TGFBR3: variants seen among roughly 807,000 people sequenced by gnomAD.
TGFBR3 encodes the protein transforming growth factor beta receptor 3, also known as transforming growth factor beta receptor type 3.
Under a neutral mutation model 87.9 loss-of-function variants are expected in TGFBR3, and 46 were observed. The ratio of observed to expected loss-of-function variants is 0.52; its 90% confidence interval spans 0.41 to 0.67. The LOEUF is 0.67. Among genes scored for constraint, TGFBR3 ranks in the 30% least tolerant of loss-of-function variants. The pLI is 0.00. For synonymous variants in TGFBR3, 381 were observed against 391.6 expected, an observed-to-expected ratio of 0.97 and a Z score of 0.32; for missense variants, 866 against 1,041.9, an observed-to-expected ratio of 0.83 and a Z score of 2.32.
At chr1:91,904,610 G>A (rs1434614703) in intron 1 of TGFBR3, among the ~76,000 whole-genome samples, 1 of 147,814 alleles carries the variant, frequency 6.8e-6, no homozygotes, top group East Asian at 2.0e-4. Context: ...TGTCACCCAG[G>A]CTAGAGTGCA....
intron 3 of TGFBR3, among the ~76,000 whole-genome samples, chr1:91,759,667 C>T (rs532995848): frequency 1.1e-4 from 17 of 152,234 alleles, no homozygotes; most frequent in Admixed American, 4.6e-4. Flanking sequence ...CCATACAGAG[C>T]GGGGAGGCAA....
chr1:91,902,277 G>T (rs1269901188), intron 1 of TGFBR3, among the ~76,000 whole-genome samples: 2,880 of 126,530 alleles, frequency 0.023, 94 homozygotes, highest in African/African-American at 0.072. Context: ...TCTTTTGTGT[G>T]TGTGTGTGTG....
intron 16 of TGFBR3, among the ~76,000 whole-genome samples, chr1:91,688,486 T>C (rs1199809709): frequency 6.6e-6 from 1 of 152,218 alleles, no homozygotes; most frequent in Non-Finnish European, 1.5e-5. Context: ...TTCCCTTTAG[T>C]CAACACAGAG....
At chr1:91,749,813 G>T (rs1216466341) in intron 4 of TGFBR3, among the ~76,000 whole-genome samples, 1 of 152,148 alleles carries the variant, frequency 6.6e-6, no homozygotes, top group Non-Finnish European at 1.5e-5. Flanking sequence ...CTATTACATG[G>T]AAATAAAATA....
intron 3 of TGFBR3, among the ~76,000 whole-genome samples, chr1:91,791,785 GCAAAAACAGTGACCAC>G (rs1398444519): frequency 6.6e-6 from 1 of 152,140 alleles, no homozygotes; most frequent in Non-Finnish European, 1.5e-5. Flanking sequence ...ATCCTCTTCT[GCAAAAACAGTGACCAC>G]CAAGCCTCCC....
At chr1:91,886,795 C>T (rs1331963758), upstream of TGFBR3, among the ~76,000 whole-genome samples, 2 of 152,034 alleles carry the variant, frequency 1.3e-5, no homozygotes, top group Admixed American at 1.3e-4. Context: ...CCAGCCGTTC[C>T]CCCTGCTAGC....
chr1:91,696,475 A>C (rs2100718251), intron 15 of TGFBR3, among the ~76,000 whole-genome samples: 1 of 152,282 alleles, frequency 6.6e-6, no homozygotes, highest in East Asian at 1.9e-4. Flanking sequence ...CCCAGTGGGG[A>C]GTGATGTCAG....
At chr1:91,880,515 G>A (rs759085130) in intron 1 of TGFBR3, among the ~76,000 whole-genome samples, 54 of 152,102 alleles carry the variant, frequency 3.6e-4, no homozygotes, top group Admixed American at 1.0e-3. Context: ...AGAGAATGGC[G>A]TGAACCAGGG....
At position 91,680,357 on chromosome 1, in the gene TGFBR3, A is replaced by G. The variant is rs532466392; in HGVS notation, c.*3382T>C. 3.4e-5 allele frequency: 15 copies of G among 436,258 alleles called. No individual in the cohort carries two copies. Among genetic ancestry groups the G allele is most frequent in the African/African-American group, 2.2e-4 (11 of 48,914 alleles). The allele number at this position is 436,258 out of a possible 1,614,324, so 27.0% of individuals were successfully genotyped here. On this transcript the variant is annotated 3_prime_UTR_variant, in exon 17 of 17. Coordinates refer to ENST00000212355, the MANE Select transcript of TGFBR3 (RefSeq NM_003243.5). Reference sequence around the variant, plus strand: ...CAAGACACATATTAATAACTGATATATATCTTTTTATTATGCACAGATAAA... The same window carrying G: ...CAAGACACATATTAATAACTGATATGTATCTTTTTATTATGCACAGATAAA...
At chr1:91,847,044 T>G (rs1677529565) in intron 2 of TGFBR3, among the ~76,000 whole-genome samples, 1 of 152,172 alleles carries the variant, frequency 6.6e-6, no homozygotes, top group Non-Finnish European at 1.5e-5. Flanking sequence ...GTACATAGGT[T>G]GTACGCTGCC....
chr1:91,710,854 T>G (rs1671956584), intron 13 of TGFBR3, among the ~76,000 whole-genome samples: 1 of 152,162 alleles, frequency 6.6e-6, no homozygotes, highest in South Asian at 2.1e-4. Flanking sequence ...TTATCTTACC[T>G]TGGGGGTAAA....
At chr1:91,689,991 A>G (rs1400203949) in intron 16 of TGFBR3, among the ~76,000 whole-genome samples, 1 of 152,218 alleles carries the variant, frequency 6.6e-6, no homozygotes, top group Non-Finnish European at 1.5e-5. Context: ...CAAAGATAAC[A>G]AAAGTAAAGA....
chr1:91,740,537 G>A (rs779680858), intron 4 of TGFBR3, among the ~76,000 whole-genome samples: 23 of 151,514 alleles, frequency 1.5e-4, no homozygotes, highest in Non-Finnish European at 2.7e-4. Flanking sequence ...GCTAATTTTT[G>A]TATTTTTAGT....
intron 2 of TGFBR3, among the ~76,000 whole-genome samples, chr1:91,851,874 T>C (rs1411560399): frequency 1.3e-5 from 2 of 152,218 alleles, no homozygotes; most frequent in Non-Finnish European, 1.5e-5. Flanking sequence ...AGCAATAATC[T>C]TACTCATTCT....
intron 2 of TGFBR3, among the ~76,000 whole-genome samples, chr1:91,804,831 C>A (rs964306822): frequency 3.9e-5 from 6 of 152,192 alleles, no homozygotes; most frequent in African/African-American, 7.2e-5. Context: ...GCTGAAAACC[C>A]ACATCCCGTC....
intron 16 of TGFBR3, among the ~76,000 whole-genome samples, chr1:91,693,839 G>C (rs1004626437): frequency 1.3e-5 from 2 of 152,180 alleles, no homozygotes; most frequent in African/African-American, 2.4e-5. Context: ...AGAACTGTTA[G>C]CTTGAGATCT....
In TGFBR3 at chr1:91,891,453, G is replaced by A. The variant is rs532192630; in HGVS notation, c.-114+8184C>T. Among the ~76,000 whole-genome samples the A allele has an allele frequency of 5.9e-5, 9 of 151,312 alleles. No homozygotes were observed. In the South Asian group the frequency reaches 8.4e-4, roughly 14 times the overall value. The stretch of plus-strand genomic sequence containing the variant: ...GTTGAGGCTGCAGTGAGCCGTGATC[G>A]TGCCACTGTACTCCAGCCTGGGCAA... On this transcript the variant is annotated intron_variant, in intron 2 of 17. Coordinates refer to the TGFBR3 transcript ENST00000370399.
At chr1:91,807,695 T>G (rs1470241275) in intron 2 of TGFBR3, among the ~76,000 whole-genome samples, 1 of 152,190 alleles carries the variant, frequency 6.6e-6, no homozygotes, top group Non-Finnish European at 1.5e-5. Context: ...TCTGCAGCCC[T>G]CTGAGGAAGT....
At chr1:91,873,815 T>C (rs890243710) in intron 1 of TGFBR3, among the ~76,000 whole-genome samples, 67 of 152,238 alleles carry the variant, frequency 4.4e-4, no homozygotes, top group African/African-American at 1.4e-3. Flanking sequence ...CTGGGCCTGA[T>C]GGCATGTGCC....
Sources: allele counts gnomAD v4.1 joint callset (sites outside exome capture counted in the v4.1 genomes callset), GRCh38; gene constraint gnomAD v4.1.1; transcripts MANE v1.5; gene names NCBI Gene and HGNC (gene_info 2026-07-23, HGNC 2026-07-21).